Variants in CACNA1C observed in about 807,000 individuals in gnomAD.
CACNA1C encodes calcium voltage-gated channel subunit alpha1 C, also known as voltage-dependent L-type calcium channel subunit alpha-1C.
Under a neutral mutation model 229.0 loss-of-function variants are expected in CACNA1C, and 30 were observed. The observed-to-expected ratio is 0.13, with a 90% CI of 0.10 to 0.18. CACNA1C has a LOEUF of 0.18. CACNA1C is among the 10% of genes least tolerant of loss of function. The pLI is 1.00. For synonymous variants in CACNA1C, 1,114 were observed against 1,132.5 expected (o/e 0.98, Z 0.33); for missense variants, 1,658 against 2,845.0 (o/e 0.58, Z 9.49).
intron 3 of CACNA1C, among the ~76,000 whole-genome samples, chr12:2,434,823 C>T (rs968809976): frequency 3.3e-5 from 5 of 152,254 alleles, no homozygotes; most frequent in Non-Finnish European, 7.3e-5. Context: ...TCTTCTCCCT[C>T]TCTTTGATTC....
chr12:2,618,404 T>C (rs2081687674), intron 29 of CACNA1C, among the ~76,000 whole-genome samples: 2 of 152,240 alleles, frequency 1.3e-5, no homozygotes, highest in Middle Eastern at 3.4e-3. Flanking sequence ...TCCTGAAGGT[T>C]GCCAATGGTG....
intron 30 of CACNA1C, among the ~76,000 whole-genome samples, chr12:2,643,161 A>G (rs1047482750): frequency 1.3e-5 from 2 of 152,262 alleles, no homozygotes; most frequent in Admixed American, 6.5e-5. Context: ...AGTGTCTGTA[A>G]CTCCAAACAC....
At chr12:2,671,237 T>A (rs1285183847) in intron 38 of CACNA1C, among the ~76,000 whole-genome samples, 2 of 152,130 alleles carry the variant, frequency 1.3e-5, no homozygotes, top group Non-Finnish European at 2.9e-5. Flanking sequence ...ATGGTCTCAA[T>A]CTCCTGACCT....
intron 3 of CACNA1C, among the ~76,000 whole-genome samples, chr12:2,364,740 A>G (rs1393740408): frequency 1.3e-5 from 2 of 152,126 alleles, no homozygotes. Flanking sequence ...GAGAAAGACC[A>G]GTCATTTCGG....
intron 18 of CACNA1C, among the ~76,000 whole-genome samples, chr12:2,589,951 A>G (rs1045397868): frequency 5.9e-5 from 9 of 152,148 alleles, no homozygotes; most frequent in African/African-American, 2.2e-4. Context: ...GCGAAGAGAA[A>G]ATCCCCAATG....
rs187728931 is a variant in CACNA1C, at chr12:2,656,311, G to A, written c.4232+1073G>A. On this transcript the variant is annotated intron_variant, in intron 34 of 46. Transcript: ENST00000399655. ...TACACTAACAATGAACTATCTGAAA[G>A]AGAAATTAAGAAATCAGTCCCTTTT... Among the ~76,000 whole-genome samples the A allele has an allele frequency of 2.1e-3, 313 of 152,204 alleles. 4 individuals are homozygous for A. Among genetic ancestry groups the A allele is most frequent in the Non-Finnish European group, 4.0e-3 (269 of 68,000 alleles).
intron 45 of CACNA1C, 32 bp downstream of exon 45, chr12:2,686,301 C>T (rs1027721279): frequency 6.7e-7 from 1 of 1,490,730 alleles, no homozygotes; most frequent in African/African-American, 1.4e-5. Flanking sequence ...GCCACTGTCA[C>T]CTGCCAGCAG....
rs369449898 is a variant in CACNA1C at position 2,413,052 on chromosome 12, C to G, written c.478-35924C>G. Among the ~76,000 whole-genome samples, 314 of 152,390 alleles carry G rather than the reference C, an allele frequency of 2.1e-3. 1 individual carries two copies. The highest frequency in any genetic ancestry group is 9.3e-3 in the South Asian group (45 of 4,830). On this transcript the variant is annotated intron_variant, in intron 3 of 46. Transcript: ENST00000399655. ...TGTTTTCTTGAGAAGGAGTCTCGCTCTGTCGCCCAGGCTGGAGTGCAGTGG... is the reference window on the plus strand; with the variant it reads ...TGTTTTCTTGAGAAGGAGTCTCGCTGTGTCGCCCAGGCTGGAGTGCAGTGG...
chr12:2,327,292 C>G (rs1230726231), intron 3 of CACNA1C, among the ~76,000 whole-genome samples: 2 of 152,248 alleles, frequency 1.3e-5, no homozygotes, highest in African/African-American at 2.4e-5. Flanking sequence ...TTGCAGGTAA[C>G]TGCTGTACGT....
At chr12:2,371,480 TG>T (rs2097861385) in intron 3 of CACNA1C, among the ~76,000 whole-genome samples, 2 of 152,162 alleles carry the variant, frequency 1.3e-5, no homozygotes, top group African/African-American at 4.8e-5. Context: ...AAAACAGTGC[TG>T]GACCCCACCT....
rs948078725 is a variant in CACNA1C, at chr12:2,585,926, C to G, written c.2530+22C>G. On this transcript the variant is annotated intron_variant, in intron 18 of 46. Coordinates refer to ENST00000399655, the MANE Select transcript of CACNA1C (RefSeq NM_000719.7). This position sits in a 1 kb window ranked among gnomAD's most constrained non-coding sequence, Gnocchi z 4.1. ...ACAGGTACCAGTCCCACTGCCTAACCTGGGATTGGGAGATTGGGGGCAGAG... is the reference window on the plus strand; with the variant it reads ...ACAGGTACCAGTCCCACTGCCTAACGTGGGATTGGGAGATTGGGGGCAGAG... The G allele has an allele frequency of 2.7e-6, 4 of 1,491,594 alleles. No homozygotes were observed. Among genetic ancestry groups the G allele is most frequent in the African/African-American group, 1.4e-5 (1 of 71,524 alleles). The allele number at this position is 1,491,594 out of a possible 1,614,324, so 92.4% of individuals were successfully genotyped here.
chr12:2,386,494 T>C lies in CACNA1C; in HGVS notation c.478-62482T>C, dbSNP rs188304733. On this transcript the variant is annotated intron_variant, in intron 3 of 46. Transcript: ENST00000399655. ...CATGTTATTTCTCATTCTGTGTTTT[T>C]ACTCCTAGACACACTGATTCTTCTG... Among the ~76,000 whole-genome samples the C allele has an allele frequency of 2.6e-5, 4 of 152,320 alleles. No individual in the cohort carries two copies. In the East Asian group the frequency reaches 7.7e-4, roughly 29 times the overall value.
chr12:2,645,219 A>C (rs1409545244), intron 30 of CACNA1C, among the ~76,000 whole-genome samples: 1 of 152,188 alleles, frequency 6.6e-6, no homozygotes, highest in Non-Finnish European at 1.5e-5. Context: ...GGCTGCCCTA[A>C]AAGGGGAATG....
chr12:2,082,478 A>G (rs888953662), intron 1 of CACNA1C, among the ~76,000 whole-genome samples: 1 of 152,058 alleles, frequency 6.6e-6, no homozygotes, highest in Non-Finnish European at 1.5e-5. Flanking sequence ...CCCAGTTTCT[A>G]TGTGGCAGTC....
chr12:2,453,997 C>T (rs1265294297), intron 4 of CACNA1C, among the ~76,000 whole-genome samples: 6 of 152,214 alleles, frequency 3.9e-5, no homozygotes, highest in Admixed American at 3.9e-4. Flanking sequence ...AGCCTCCTTC[C>T]ACTGCACCAG....
intron 3 of CACNA1C, among the ~76,000 whole-genome samples, chr12:2,322,444 C>T (rs1201705747): frequency 6.6e-6 from 1 of 152,208 alleles, no homozygotes; most frequent in Non-Finnish European, 1.5e-5. Context: ...CACCAGTGGT[C>T]ATGATGCCCG....
At chr12:2,484,557 G>A (rs574108347) in intron 5 of CACNA1C, among the ~76,000 whole-genome samples, 60 of 152,268 alleles carry the variant, frequency 3.9e-4, no homozygotes, top group African/African-American at 1.3e-3. Context: ...GGAGCCTCCC[G>A]ATGGGTGTCC....
At chr12:2,438,175 TGGGGATGGTGG>T (rs1321948213) in intron 3 of CACNA1C, among the ~76,000 whole-genome samples, 2 of 24,380 alleles carry the variant, frequency 8.2e-5, no homozygotes, top group African/African-American at 1.1e-3. Context: ...GTGGTGGTGG[TGGGGATGGTGG>T]GATAATGACG....
intron 3 of CACNA1C, among the ~76,000 whole-genome samples, chr12:2,327,001 CCTT>C (rs1269113831): frequency 2.2e-4 from 33 of 152,180 alleles, no homozygotes; most frequent in Non-Finnish European, 4.7e-4. Flanking sequence ...ATTCTTGCCT[CCTT>C]CTTCCTCTGC....
Sources: allele counts gnomAD v4.1 joint callset (sites outside exome capture counted in the v4.1 genomes callset), GRCh38; gene constraint gnomAD v4.1.1; non-coding constraint Gnocchi (gnomAD v3.1); transcripts MANE v1.5; gene names NCBI Gene and HGNC (gene_info 2026-07-23, HGNC 2026-07-21).